Variants in ZMAT4 observed in about 807,000 individuals in gnomAD.
ZMAT4 encodes zinc finger matrin-type protein 4.
In ZMAT4, 17 loss-of-function variants were observed where a neutral mutation model predicts 28.7. The observed-to-expected ratio is 0.59, with a 90% CI of 0.41 to 0.89. The LOEUF (loss-of-function observed/expected upper bound fraction) is 0.89, where lower values mean the gene tolerates loss of function less well. Ranked by LOEUF, ZMAT4 falls within the 40% of genes least tolerant of loss-of-function variation. The probability of loss-of-function intolerance (pLI) is 0.00; values close to 1 mark genes in which losing one functional copy is unlikely to be tolerated. For synonymous variants in ZMAT4, 117 were observed against 109.2 expected (o/e 1.07, Z -0.44); for missense variants, 240 against 283.8 (o/e 0.85, Z 1.11).
At chr8:40,660,981 T>C (rs1404638572) in intron 5 of ZMAT4, among the ~76,000 whole-genome samples, 2 of 152,242 alleles carry the variant, frequency 1.3e-5, no homozygotes, top group African/African-American at 4.8e-5. Flanking sequence ...ATCAGGACAA[T>C]GGCATCTTGG....
At chr8:40,601,447 AGGAAGGAAGGG>A (rs1242613130) in intron 5 of ZMAT4, among the ~76,000 whole-genome samples, 1,875 of 131,942 alleles carry the variant, frequency 0.014, 161 homozygotes, top group African/African-American at 0.027. Context: ...GAAGGAAGGA[AGGAAGGAAGGG>A]AGGAAGAAAG....
rs142947345 is a variant in ZMAT4 at position 40,674,725 on chromosome 8, G to A, written c.556C>T (p.Leu186=). 57 of 1,613,846 alleles carry A rather than the reference G, an allele frequency of 3.5e-5. 1 individual carries two copies. The African/African-American group carries it at 6.9e-4, about 20-fold the overall frequency. Reference sequence around the variant, plus strand: ...TTACCTCTCAGTTCCCCCATATCCAGGGTTGTCCCCAGTTGTTCTAACAAA... The same window carrying A: ...TTACCTCTCAGTTCCCCCATATCCAAGGTTGTCCCCAGTTGTTCTAACAAA... The part of the protein sequence containing the change: ...VALLEQLGTT[L]DMGELRGLRR... The change falls in exon 5 of 7, where the codon CTG becomes TTG. Residue 186 remains leucine (L), a synonymous_variant. Transcript: ENST00000297737.
chr8:40,586,934 T>C (rs1190268220), intron 5 of ZMAT4, among the ~76,000 whole-genome samples: 1 of 150,040 alleles, frequency 6.7e-6, no homozygotes, highest in Non-Finnish European at 1.5e-5. Context: ...GGAAGAAGAG[T>C]GATTTGGGAT....
At chr8:40,618,298 T>C (rs1585766898) in intron 5 of ZMAT4, among the ~76,000 whole-genome samples, 2 of 152,198 alleles carry the variant, frequency 1.3e-5, no homozygotes, top group East Asian at 1.9e-4. Flanking sequence ...TCTTCTGTAA[T>C]GGGGTGTCCC....
intron 4 of ZMAT4, 51 bp downstream of exon 4, chr8:40,697,194 G>A: frequency 1.3e-6 from 2 of 1,515,012 alleles, no homozygotes; most frequent in Non-Finnish European, 1.8e-6. Context: ...TGCAAGACAG[G>A]CCAGCACTTG....
At chr8:40,806,199 C>G (rs146004703) in intron 2 of ZMAT4, among the ~76,000 whole-genome samples, 254 of 152,240 alleles carry the variant, frequency 1.7e-3, no homozygotes, top group African/African-American at 5.7e-3. Context: ...CAACTTTTTG[C>G]ATGTGGGCAG....
At chr8:40,795,111 T>G (rs1244846484) in intron 2 of ZMAT4, among the ~76,000 whole-genome samples, 1 of 152,152 alleles carries the variant, frequency 6.6e-6, no homozygotes, top group Admixed American at 6.5e-5. Context: ...GGCATTATGG[T>G]ATAACTCCCC....
At chr8:40,590,338 C>T (rs951973144) in intron 5 of ZMAT4, among the ~76,000 whole-genome samples, 1 of 151,618 alleles carries the variant, frequency 6.6e-6, no homozygotes, top group African/African-American at 2.4e-5. Context: ...GGCCTAAATA[C>T]TTTCTTAAAT....
At chr8:40,852,426 C>T (rs561679425) in intron 1 of ZMAT4, among the ~76,000 whole-genome samples, 31 of 152,266 alleles carry the variant, frequency 2.0e-4, no homozygotes, top group Non-Finnish European at 4.1e-4. Flanking sequence ...CCTTATTAAA[C>T]GATAGCTGGA....
intron 2 of ZMAT4, among the ~76,000 whole-genome samples, chr8:40,783,537 C>G (rs1457150633): frequency 6.6e-6 from 1 of 152,052 alleles, no homozygotes; most frequent in Non-Finnish European, 1.5e-5. Flanking sequence ...ATAACCATCA[C>G]CAAACTATAC....
chr8:40,843,968 T>G lies in ZMAT4; in HGVS notation c.-4-18288A>C, dbSNP rs536977215. 4.8e-4 allele frequency among the ~76,000 whole-genome samples: 73 copies of G among 152,226 alleles called. 1 individual carries two copies. The highest frequency in any genetic ancestry group is 1.7e-3 in the African/African-American group (72 of 41,534). On this transcript the variant is annotated intron_variant, in intron 1 of 6. Transcript: ENST00000297737. ...TCAATTTTATAGGCTATGTACACAG[T>G]GCACCTAGAAAACGGAGACTCACAT...
intron 6 of ZMAT4, among the ~76,000 whole-genome samples, chr8:40,576,320 G>A (rs909557179): frequency 6.6e-6 from 1 of 151,554 alleles, no homozygotes; most frequent in Non-Finnish European, 1.5e-5. Context: ...CAGCTCAAAA[G>A]TTCCCAAGTA....
intron 2 of ZMAT4, among the ~76,000 whole-genome samples, chr8:40,805,862 T>A (rs978968024): frequency 6.6e-6 from 1 of 151,590 alleles, no homozygotes; most frequent in African/African-American, 2.4e-5. Context: ...GTGGGTGCAG[T>A]GCACCAGCAT....
Position 40,539,514 on chromosome 8 carries a change from A to G in ZMAT4, c.675-7276T>C, listed in dbSNP as rs183854769. 2.5e-3 allele frequency among the ~76,000 whole-genome samples: 375 copies of G among 152,314 alleles called. 2 individuals carry two copies. The highest frequency in any genetic ancestry group is 8.3e-3 in the African/African-American group (347 of 41,568). On this transcript the variant is annotated intron_variant, in intron 6 of 6. Transcript: ENST00000297737. ...AGTTAGGTTTTAAGCTTGATTTTAA[A>G]CTTCCATACCAATTGTTACTAGTTG...
chr8:40,844,256 G>C (rs1563522037), intron 1 of ZMAT4, among the ~76,000 whole-genome samples: 1 of 152,182 alleles, frequency 6.6e-6, no homozygotes, highest in Non-Finnish European at 1.5e-5. Flanking sequence ...CAGTATTTCT[G>C]GGTATGTCAA....
chr8:40,630,651 A>AC (rs1806541233), intron 5 of ZMAT4, among the ~76,000 whole-genome samples: 1 of 152,244 alleles, frequency 6.6e-6, no homozygotes, highest in Non-Finnish European at 1.5e-5. Flanking sequence ...TGTAAGCTGT[A>AC]CCATATTACA....
intron 6 of ZMAT4, among the ~76,000 whole-genome samples, chr8:40,570,118 C>A (rs1804046687): frequency 6.6e-6 from 1 of 152,096 alleles, no homozygotes; most frequent in Non-Finnish European, 1.5e-5. Flanking sequence ...TTATGTTGAG[C>A]AGAAGCAGCC....
intron 1 of ZMAT4, among the ~76,000 whole-genome samples, chr8:40,843,065 C>A (rs1816757588): frequency 6.6e-6 from 1 of 152,222 alleles, no homozygotes; most frequent in African/African-American, 2.4e-5. Flanking sequence ...GCATAAGCCA[C>A]TGTCCCCGGC....
At chr8:40,774,683 AAT>A (rs34285377) in intron 2 of ZMAT4, among the ~76,000 whole-genome samples, 127 of 149,816 alleles carry the variant, frequency 8.5e-4, no homozygotes, top group African/African-American at 3.0e-3. Flanking sequence ...ATGACATAGA[AAT>A]ATATATATAT....
Sources: gnomAD v4.1 joint callset for allele counts (sites outside exome capture counted in the v4.1 genomes callset) on GRCh38, gnomAD v4.1.1 for gene constraint, MANE v1.5 for transcripts, NCBI Gene and HGNC (gene_info 2026-07-23, HGNC 2026-07-21) for gene names.